Variants in RAD54L2 observed in about 807,000 individuals in gnomAD.
RAD54L2 encodes RAD54 like 2.
In RAD54L2, 27 loss-of-function variants were observed where a neutral mutation model predicts 138.4. That is an observed-to-expected ratio of 0.20 (90% CI 0.14 to 0.27). The LOEUF (loss-of-function observed/expected upper bound fraction) is 0.27, where lower values mean the gene tolerates loss of function less well. RAD54L2 is among the 10% of genes least tolerant of loss of function. The pLI is 1.00. For missense variants in RAD54L2, 1,396 were observed against 1,890.2 expected, an observed-to-expected ratio of 0.74 and a Z score of 4.85; for synonymous variants, 644 against 723.2, an observed-to-expected ratio of 0.89 and a Z score of 1.76.
intron 2 of RAD54L2, among the ~76,000 whole-genome samples, chr3:51,547,565 T>C (rs1201617086): frequency 3.3e-5 from 5 of 151,860 alleles, no homozygotes; most frequent in Non-Finnish European, 7.4e-5. Flanking sequence ...TGTTGTAGTT[T>C]ATAAAACACT....
At chr3:51,605,150 C>T (rs529106367) in intron 3 of RAD54L2, among the ~76,000 whole-genome samples, 5 of 145,388 alleles carry the variant, frequency 3.4e-5, no homozygotes, top group South Asian at 2.2e-4. Context: ...AGTGCAGTGG[C>T]GCGATCTCCG....
Position 51,663,589 on chromosome 3 carries a change from A to C in RAD54L2, c.*169A>C. 1 of 391,190 alleles carries C rather than the reference A, an allele frequency of 2.6e-6. No homozygotes were observed. The allele number at this position is 391,190 out of a possible 1,614,324, so 24.2% of individuals were successfully genotyped here. ...CAGAGCTCTGTTGCTGTTTAACAAA[A>C]GAGGCAAAAAAAAAAAAAAAAAAAA... On this transcript the variant is annotated 3_prime_UTR_variant, in exon 23 of 23. Coordinates refer to ENST00000684192, the MANE Select transcript of RAD54L2 (RefSeq NM_015106.4).
chr3:51,590,613 A>G, intron 3 of RAD54L2, 54 bp downstream of exon 3: 2 of 1,552,150 alleles, frequency 1.3e-6, no homozygotes, highest in South Asian at 2.4e-5. Context: ...CTCCAGTGGA[A>G]TTTTTGCTGG....
chr3:51,601,310 C>CTTTTTTTTTTTTT (rs779030766), intron 3 of RAD54L2, among the ~76,000 whole-genome samples: 112 of 123,094 alleles, frequency 9.1e-4, no homozygotes, highest in African/African-American at 3.3e-3. Context: ...CTGCGCCCGG[C>CTTTTTTTTTTTTT]TTTTTTTTTT....
At chr3:51,644,575 G>A (rs1701223771) in intron 16 of RAD54L2, among the ~76,000 whole-genome samples, 1 of 152,206 alleles carries the variant, frequency 6.6e-6, no homozygotes, top group Non-Finnish European at 1.5e-5. Flanking sequence ...AGTAGAAAGT[G>A]CAAGGTGACT....
chr3:51,660,512 C>T (rs372765513), intron 22 of RAD54L2, among the ~76,000 whole-genome samples: 8 of 152,030 alleles, frequency 5.3e-5, no homozygotes, highest in Non-Finnish European at 7.4e-5. Flanking sequence ...GGCTTTTCAC[C>T]GTGTTAGCCA....
At chr3:51,573,039 C>T (rs1337993791) in intron 2 of RAD54L2, among the ~76,000 whole-genome samples, 3 of 152,042 alleles carry the variant, frequency 2.0e-5, no homozygotes, top group Non-Finnish European at 2.9e-5. Flanking sequence ...CAGAAAATGT[C>T]GGCACAGGTT....
At chr3:51,580,475 G>A (rs1052820362) in intron 2 of RAD54L2, among the ~76,000 whole-genome samples, 3 of 152,184 alleles carry the variant, frequency 2.0e-5, no homozygotes, top group Admixed American at 1.3e-4. Context: ...AGTTCAGTGA[G>A]TGGGGCTGAA....
chr3:51,601,975 C>T (rs1223817841), intron 3 of RAD54L2, among the ~76,000 whole-genome samples: 2 of 151,164 alleles, frequency 1.3e-5, no homozygotes, highest in South Asian at 2.1e-4. Context: ...GGATTGTAGG[C>T]GCCTGCCACC....
At position 51,592,054 on chromosome 3, in the gene RAD54L2, G is replaced by GTTTTTTTT. The variant is rs71084151; in HGVS notation, c.139+1517_139+1524dup. 6.0e-5 allele frequency among the ~76,000 whole-genome samples: 4 copies of GTTTTTTTT among 66,872 alleles called. 1 individual carries two copies. The highest frequency in any genetic ancestry group is 1.2e-3 in the East Asian group (2 of 1,732). The allele number at this position is 66,872 out of a possible 152,430, so 43.9% of individuals were successfully genotyped here. On this transcript the variant is annotated intron_variant, in intron 3 of 22. Coordinates refer to ENST00000684192, the MANE Select transcript of RAD54L2 (RefSeq NM_015106.4). The stretch of plus-strand genomic sequence containing the variant: ...TGTAGCTGTGCAATTTGGTTTTGGT[G>GTTTTTTTT]TTTTTTTTTTTTTTTTTTTTTTTTT...
chr3:51,557,495 T>C (rs906502463), intron 2 of RAD54L2, among the ~76,000 whole-genome samples: 15 of 151,892 alleles, frequency 9.9e-5, no homozygotes, highest in African/African-American at 3.6e-4. Flanking sequence ...TGTTGGCATA[T>C]TTTAAAGCTA....
chr3:51,652,537 G>C (rs558312292), intron 19 of RAD54L2, among the ~76,000 whole-genome samples: 7 of 152,292 alleles, frequency 4.6e-5, no homozygotes, highest in African/African-American at 7.2e-5. Flanking sequence ...ATACTACAAG[G>C]CTACGGTAAC....
intron 2 of RAD54L2, among the ~76,000 whole-genome samples, chr3:51,544,506 T>G (rs1306078607): frequency 6.6e-6 from 1 of 152,234 alleles, no homozygotes; most frequent in East Asian, 1.9e-4. Context: ...CTCTGAGTGC[T>G]TTGTCTTCAT....
intron 3 of RAD54L2, among the ~76,000 whole-genome samples, chr3:51,598,139 G>GTA (rs1253406106): frequency 3.9e-4 from 55 of 140,890 alleles, no homozygotes; most frequent in African/African-American, 7.2e-4. Context: ...ATATATGTGT[G>GTA]TATATATATA....
At chr3:51,651,876 C>G (rs1701447393) in intron 19 of RAD54L2, among the ~76,000 whole-genome samples, 1 of 152,194 alleles carries the variant, frequency 6.6e-6, no homozygotes, top group African/African-American at 2.4e-5. Context: ...AAAACTGGCA[C>G]AAGACTGGGA....
In RAD54L2 at chr3:51,665,401, T is replaced by G. The variant is rs924320677; in HGVS notation, c.*1981T>G. ...CTTAGCAGACTCTGGGGTATTGTCC[T>G]CAGAGAAGAGACAAGGAGATGATGG... On this transcript the variant is annotated 3_prime_UTR_variant, in exon 23 of 23. Coordinates refer to ENST00000684192, the MANE Select transcript of RAD54L2 (RefSeq NM_015106.4). The G allele has an allele frequency of 3.9e-5, 6 of 152,146 alleles. No individual in the cohort carries two copies. The highest frequency in any genetic ancestry group is 1.4e-4 in the African/African-American group (6 of 41,402). The allele number at this position is 152,146 out of a possible 1,614,324, so 9.4% of individuals were successfully genotyped here. A position where few individuals can be genotyped will look rare whatever the true frequency, so the allele number is the denominator to read the frequency against.
chr3:51,651,022 AATAG>A (rs1242942338), intron 19 of RAD54L2, among the ~76,000 whole-genome samples: 17 of 152,318 alleles, frequency 1.1e-4, no homozygotes, highest in African/African-American at 1.9e-4. Flanking sequence ...AGAGCAACAA[AATAG>A]ATAGAACACT....
At chr3:51,644,344 C>T (rs187780297) in intron 16 of RAD54L2, among the ~76,000 whole-genome samples, 1 of 152,216 alleles carries the variant, frequency 6.6e-6, no homozygotes, top group Admixed American at 6.5e-5. Context: ...ACTTGGGAGG[C>T]AGAGGCGGGA....
chr3:51,660,138 CCATTTTACTTTT>C lies in RAD54L2; in HGVS notation c.3409+23_3409+34del, dbSNP rs778589061. Reference sequence around the variant, plus strand: ...CCTCAGGTGTGATGGCTTTTACTTTCCATTTTACTTTTCAAACAACATTTGTTTGCTTTGTTT... The same window carrying C: ...CCTCAGGTGTGATGGCTTTTACTTTCCAAACAACATTTGTTTGCTTTGTTT... On this transcript the variant is annotated intron_variant, in intron 22 of 22. Transcript: ENST00000684192. The C allele has an allele frequency of 1.2e-5, 19 of 1,569,414 alleles. No homozygotes were observed. Among genetic ancestry groups the C allele is most frequent in the Non-Finnish European group, 1.7e-5 (19 of 1,145,638 alleles).
Sources: gnomAD v4.1 joint callset for allele counts (sites outside exome capture counted in the v4.1 genomes callset) on GRCh38, gnomAD v4.1.1 for gene constraint, MANE v1.5 for transcripts, NCBI Gene and HGNC (gene_info 2026-07-23, HGNC 2026-07-21) for gene names.